The following GPBP1 variants were observed in gnomAD, a reference collection of about 807,000 sequenced individuals.
GPBP1 encodes the protein GC-rich promoter binding protein 1.
GPBP1 carries 13 observed loss-of-function variants against 56.5 expected under a neutral mutation model. That is an observed-to-expected ratio of 0.23 (90% confidence interval 0.15 to 0.37). The LOEUF is 0.37. GPBP1 is among the 10% of genes least tolerant of loss of function. The pLI is 1.00. For missense variants in GPBP1, 477 were observed against 572.3 expected, an observed-to-expected ratio of 0.83 and a Z score of 1.70; for synonymous variants, 204 against 188.9, an observed-to-expected ratio of 1.08 and a Z score of -0.66.
intron 2 of GPBP1, among the ~76,000 whole-genome samples, chr5:57,194,765 G>A (rs965064047): frequency 3.9e-5 from 6 of 152,064 alleles, no homozygotes; most frequent in Non-Finnish European, 7.4e-5. Context: ...GTTTTTCTGT[G>A]CCTGGGTTAT....
intron 2 of GPBP1, among the ~76,000 whole-genome samples, chr5:57,179,971 G>A (rs1579966120): frequency 6.6e-6 from 1 of 152,134 alleles, no homozygotes; most frequent in African/African-American, 2.4e-5. Flanking sequence ...TAAAATTGAG[G>A]AAGGGAGGAG....
intron 2 of GPBP1, among the ~76,000 whole-genome samples, chr5:57,207,815 C>A (rs1355617154): frequency 6.6e-6 from 1 of 152,162 alleles, no homozygotes; most frequent in East Asian, 1.9e-4. Context: ...CAAACCCAGC[C>A]AAACTTCATG....
At chr5:57,214,664 T>C (rs569097672) in intron 3 of GPBP1, among the ~76,000 whole-genome samples, 1 of 151,102 alleles carries the variant, frequency 6.6e-6, no homozygotes, top group Non-Finnish European at 1.5e-5. Context: ...TCTATTAAAA[T>C]TTTTTTTTTG....
intron 2 of GPBP1, among the ~76,000 whole-genome samples, chr5:57,184,052 T>C (rs1008695762): frequency 2.0e-5 from 3 of 152,024 alleles, no homozygotes; most frequent in African/African-American, 7.3e-5. Context: ...GCCAACATGG[T>C]GAAACCCTGT....
chr5:57,220,600 C>T (rs984641410), intron 3 of GPBP1, among the ~76,000 whole-genome samples: 1 of 151,788 alleles, frequency 6.6e-6, no homozygotes, highest in Non-Finnish European at 1.5e-5. Context: ...GTTGGGATTA[C>T]AGGTTCCTGC....
At chr5:57,187,444 C>T (rs115472550) in intron 2 of GPBP1, among the ~76,000 whole-genome samples, 2 of 152,190 alleles carry the variant, frequency 1.3e-5, no homozygotes, top group African/African-American at 4.8e-5. Flanking sequence ...TTTCCTTTGC[C>T]TCAGGAAATG....
chr5:57,197,317 G>T (rs1238098954), intron 2 of GPBP1, among the ~76,000 whole-genome samples: 2 of 150,990 alleles, frequency 1.3e-5, no homozygotes, highest in Non-Finnish European at 2.9e-5. Context: ...CTCTCCTCAA[G>T]CAGTCCCTAG....
Position 57,221,331 on chromosome 5 carries a change from C to T in GPBP1, c.63+7138C>T, listed in dbSNP as rs533191503. On this transcript the variant is annotated intron_variant, in intron 3 of 11. Coordinates refer to ENST00000506184, the MANE Select transcript of GPBP1 (RefSeq NM_022913.4). ...GTGATTTTCTAGTTTTTTTAAATTC[C>T]ATTAAATAATGCCAATTGTGACTGA... The T allele has an allele frequency of 1.8e-5, 24 of 1,334,530 alleles. No homozygotes were observed. In the South Asian group the frequency reaches 3.4e-4, roughly 19 times the overall value. 82.7% of individuals were successfully genotyped at this position (1,334,530 alleles called of 1,614,324 possible). A position where few individuals can be genotyped will look rare whatever the true frequency, so the allele number is the denominator to read the frequency against.
chr5:57,254,708 AAG>A (rs1741565455), intron 10 of GPBP1, among the ~76,000 whole-genome samples: 4 of 152,126 alleles, frequency 2.6e-5, no homozygotes, highest in East Asian at 3.8e-4. Context: ...AAAAAAAAAA[AAG>A]AGTAAGTTTT....
chr5:57,200,978 C>T, intron 2 of GPBP1, among the ~76,000 whole-genome samples: 1 of 151,870 alleles, frequency 6.6e-6, no homozygotes, highest in East Asian at 1.9e-4. Context: ...ATGCCTGGCC[C>T]ATGCCTGGCT....
At chr5:57,220,038 T>A in intron 3 of GPBP1, among the ~76,000 whole-genome samples, 1 of 141,582 alleles carries the variant, frequency 7.1e-6, no homozygotes. Flanking sequence ...GCAACAAGAG[T>A]GAGACCCTGT....
chr5:57,203,695 A>G (rs1197860140), intron 2 of GPBP1, among the ~76,000 whole-genome samples: 1 of 152,200 alleles, frequency 6.6e-6, no homozygotes, highest in Non-Finnish European at 1.5e-5. Context: ...TAAGAGGTAA[A>G]CTGAAGAGGA....
chr5:57,195,725 G>A (rs183034364), intron 2 of GPBP1, among the ~76,000 whole-genome samples: 10 of 151,904 alleles, frequency 6.6e-5, no homozygotes, highest in African/African-American at 1.5e-4. Context: ...TCGGCTGGGC[G>A]CAGTGGCTCG....
At chr5:57,198,030 C>T (rs1444341041) in intron 2 of GPBP1, among the ~76,000 whole-genome samples, 1 of 151,782 alleles carries the variant, frequency 6.6e-6, no homozygotes, top group Admixed American at 6.6e-5. Context: ...AGAGAATCTA[C>T]CTTTCCTTTT....
Position 57,242,405 on chromosome 5 carries a change from A to G in GPBP1, c.479-3895A>G, listed in dbSNP as rs575669921. Among the ~76,000 whole-genome samples, 3 of 152,338 alleles carry G rather than the reference A, an allele frequency of 2.0e-5. No individual in the cohort carries two copies. The South Asian group carries it at 6.2e-4, about 32-fold the overall frequency. ...TGAGAGATTAAGTAACTTATATAAG[A>G]TTATACAACTGGTAAGGTTGGAGCT... On this transcript the variant is annotated intron_variant, in intron 6 of 11. Transcript: ENST00000506184.
In GPBP1 at chr5:57,219,396, A is replaced by AC. The variant is rs1341663444; in HGVS notation, c.63+5203_63+5204insC. Among the ~76,000 whole-genome samples the AC allele has an allele frequency of 2.7e-3, 153 of 55,848 alleles. 23 individuals carry two copies. Among genetic ancestry groups the AC allele is most frequent in the South Asian group, 0.012 (22 of 1,814 alleles). The allele number at this position is 55,848 out of a possible 152,430, so 36.6% of individuals were successfully genotyped here. ...GTCTCAAAAAAAAAAAAAAAAAAAA[A>AC]AAAAAAACCAAAAACAAACAAACAA... On this transcript the variant is annotated intron_variant, in intron 3 of 11. Transcript: ENST00000506184.
chr5:57,192,993 A>G (rs1180546773), intron 2 of GPBP1, among the ~76,000 whole-genome samples: 3 of 151,884 alleles, frequency 2.0e-5, no homozygotes, highest in Admixed American at 6.6e-5. Flanking sequence ...CCTCCTGGAG[A>G]TGGGATGAGG....
chr5:57,240,030 A>T (rs1290092847), intron 6 of GPBP1, among the ~76,000 whole-genome samples: 2 of 151,982 alleles, frequency 1.3e-5, no homozygotes, highest in Admixed American at 6.6e-5. Context: ...GGAGCACAGG[A>T]TGGGGGTATC....
intron 2 of GPBP1, among the ~76,000 whole-genome samples, chr5:57,212,992 T>C (rs1025795046): frequency 6.6e-6 from 1 of 152,116 alleles, no homozygotes; most frequent in Non-Finnish European, 1.5e-5. Context: ...CATTCCCTGG[T>C]TTATTTTAGA....
Sources: allele counts gnomAD v4.1 joint callset (sites outside exome capture counted in the v4.1 genomes callset), GRCh38; gene constraint gnomAD v4.1.1; transcripts MANE v1.5; gene names NCBI Gene and HGNC (gene_info 2026-07-23, HGNC 2026-07-21).